NOS2: variants seen among roughly 807,000 people sequenced by gnomAD.
NOS2 encodes the protein nitric oxide synthase 2.
A neutral mutation model predicts 136.0 loss-of-function variants in NOS2; 96 were observed. The ratio of observed to expected loss-of-function variants is 0.71; its 90% CI spans 0.60 to 0.84. The LOEUF (loss-of-function observed/expected upper bound fraction) is 0.84, where lower values mean the gene tolerates loss of function less well. Among genes scored for constraint, NOS2 ranks in the 40% least tolerant of loss-of-function variants. The pLI is 0.00. For missense variants in NOS2, 1,237 were observed against 1,496.9 expected (o/e 0.83, Z 2.87); for synonymous variants, 539 against 587.5 (o/e 0.92, Z 1.20).
chr17:27,774,025 C>T (rs1194162051), intron 12 of NOS2, among the ~76,000 whole-genome samples: 1 of 152,238 alleles, frequency 6.6e-6, no homozygotes, highest in Non-Finnish European at 1.5e-5. Flanking sequence ...ACAGACCCCC[C>T]ATCTGAGCCA....
chr17:27,790,936 G>C (rs1253208757), intron 2 of NOS2, among the ~76,000 whole-genome samples: 1 of 152,108 alleles, frequency 6.6e-6, no homozygotes, highest in Non-Finnish European at 1.5e-5. Flanking sequence ...ATTTTCCAGG[G>C]TATGCATGCT....
chr17:27,783,258 C>T (rs947520374), intron 5 of NOS2, 152 bp from the exon 6 acceptor site: 3 of 741,382 alleles, frequency 4.0e-6, no homozygotes, highest in Admixed American at 2.6e-5. Context: ...GCTTTGGGGA[C>T]CTCACACTTA....
chr17:27,783,058 C>G lies in NOS2; in HGVS notation c.516G>C (p.Glu172Asp). Residue 172 changes from glutamate (E) to aspartate (D), a missense_variant, in exon 6 of 27, where the codon GAG (glutamate) becomes GAC (aspartate). Coordinates refer to ENST00000313735, the MANE Select transcript of NOS2 (RefSeq NM_000625.4). ...HLARVEAVTK[E>D]IETTGTYQLT... is the part of the protein sequence containing the mutation. ...GTTGGTAGGTTCCTGTTGTTTCTAT[C>G]TCCTTTGTTACCGCTTCCACCCTGG... 1 of 1,614,236 alleles carries G rather than the reference C, an allele frequency of 6.2e-7. No homozygotes were observed. Among genetic ancestry groups the G allele is most frequent in the Non-Finnish European group, 8.5e-7 (1 of 1,180,042 alleles).
In NOS2 at chr17:27,761,835, C is replaced by T. The variant is rs575952615; in HGVS notation, c.2801-604G>A. 8.7e-4 allele frequency among the ~76,000 whole-genome samples: 133 copies of T among 152,266 alleles called. 2 individuals are homozygous for T. The Middle Eastern group carries it at 0.014, about 16-fold the overall frequency. The stretch of plus-strand genomic sequence containing the variant: ...ACAATGGCCCAGCACTTGAGGAAGG[C>T]CTCCAACCAACTGCAGAGGTCCCCC... On this transcript the variant is annotated intron_variant, in intron 22 of 26. Coordinates refer to ENST00000313735, the MANE Select transcript of NOS2 (RefSeq NM_000625.4).
At chr17:27,773,126 A>G (rs112253848) in intron 13 of NOS2, 35 bp downstream of exon 13, 1 of 1,493,016 alleles carries the variant, frequency 6.7e-7, no homozygotes, top group South Asian at 1.1e-5. Flanking sequence ...GATATAGTTC[A>G]CACATCACTA....
At position 27,760,576 on chromosome 17, in the gene NOS2, C is replaced by T. The variant is rs11871315; in HGVS notation, c.3010+47G>A. 183 of 1,550,634 alleles carry T rather than the reference C, an allele frequency of 1.2e-4. No individual in the cohort carries two copies. The African/African-American group carries it at 1.8e-3, about 16-fold the overall frequency. The stretch of plus-strand genomic sequence containing the variant: ...GGCTGCAGTTCTGCTCCTAGGCAGG[C>T]GCTGGCCCCCTGGTGCCCCTCCCAC... On this transcript the variant is annotated intron_variant, in intron 24 of 26. Transcript: ENST00000313735.
chr17:27,765,487 G>A (rs767088675), intron 20 of NOS2, 48 bp downstream of exon 20: 12 of 1,508,584 alleles, frequency 8.0e-6, no homozygotes, highest in Non-Finnish European at 8.0e-6. Flanking sequence ...GCCAGGTGGG[G>A]CGGCCAGAGG....
intron 11 of NOS2, among the ~76,000 whole-genome samples, chr17:27,776,725 A>T (rs1426244442): frequency 6.6e-6 from 1 of 151,820 alleles, no homozygotes; most frequent in Non-Finnish European, 1.5e-5. Context: ...GATCATGATG[A>T]CAACATAATA....
chr17:27,781,928 C>A, intron 7 of NOS2, 87 bp downstream of exon 7: 1 of 1,120,000 alleles, frequency 8.9e-7, no homozygotes, highest in Non-Finnish European at 1.3e-6. Context: ...GCTGGAGATG[C>A]CTCCCCTAGA....
chr17:27,773,139 A>AGCCACT (rs1250103057), intron 13 of NOS2, 22 bp downstream of exon 13: 6 of 1,581,430 alleles, frequency 3.8e-6, no homozygotes, highest in East Asian at 2.2e-5. Context: ...CATCACTACT[A>AGCCACT]GCCACTGCCA....
Position 27,769,045 on chromosome 17 carries a change from T to C in NOS2, c.1966A>G (p.Met656Val). The change falls in exon 17 of 27, where the codon ATG becomes GTG. Residue 656 changes from methionine (M) to valine (V), a missense_variant. Physicochemically the swap from Met to Val is conservative, Grantham distance 21. Coordinates refer to ENST00000313735, the MANE Select transcript of NOS2 (RefSeq NM_000625.4). ...CCACTGAGCTCATCCCCTTCTCCCA[T>C]CGGGGTGAGCTGAGAGGCCCCCAGG... ...SHLGASQLTP[M>V]GEGDELSGQE... The C allele has an allele frequency of 1.2e-6, 2 of 1,612,662 alleles. No individual in the cohort carries two copies. Among genetic ancestry groups the C allele is most frequent in the Non-Finnish European group, 1.7e-6 (2 of 1,179,590 alleles).
At position 27,778,872 on chromosome 17, in the gene NOS2, G is replaced by T. The variant is rs1239726354; in HGVS notation, c.1179+10C>A. The stretch of plus-strand genomic sequence containing the variant: ...CACCTTCATCTGGCCAGCTGGGCTG[G>T]CTGGGTTACCTCCAGGATGTTGTAG... On this transcript the variant is annotated intron_variant, in intron 10 of 26. Transcript: ENST00000313735. The T allele has an allele frequency of 6.2e-7, 1 of 1,609,952 alleles. No homozygotes were observed. Among genetic ancestry groups the T allele is most frequent in the East Asian group, 2.2e-5 (1 of 44,756 alleles).
chr17:27,776,169 G>GA (rs1908651186), intron 11 of NOS2, among the ~76,000 whole-genome samples: 1 of 152,216 alleles, frequency 6.6e-6, no homozygotes, highest in Non-Finnish European at 1.5e-5. Flanking sequence ...GTTGAGTGGG[G>GA]CACTGCATGA....
At chr17:27,790,039 CT>C (rs1342665156) in intron 2 of NOS2, among the ~76,000 whole-genome samples, 1 of 152,222 alleles carries the variant, frequency 6.6e-6, no homozygotes, top group Non-Finnish European at 1.5e-5. Flanking sequence ...ACAACTCTGC[CT>C]CCCAGACTAG....
intron 1 of NOS2, among the ~76,000 whole-genome samples, chr17:27,800,074 C>T (rs957305620): frequency 1.5e-4 from 23 of 152,132 alleles, no homozygotes; most frequent in Non-Finnish European, 2.9e-4. Flanking sequence ...AAAAAAAATT[C>T]TTAGCAGATA....
At position 27,780,921 on chromosome 17, in the gene NOS2, G is replaced by A. The variant is rs201137379; in HGVS notation, c.865-15C>T. 10 of 1,607,730 alleles carry A rather than the reference G, an allele frequency of 6.2e-6. No homozygotes were observed. The highest frequency in any genetic ancestry group is 3.3e-5 in the South Asian group (3 of 90,092). ...TCGATGCACAGCTGGGGAACAAGAC[G>A]GGCCCTGTGAGTCTGTAAGCCCGGG... On this transcript the variant is annotated splice_polypyrimidine_tract_variant and intron_variant, in intron 8 of 26. Transcript: ENST00000313735.
At chr17:27,794,001 C>A (rs531702176) in intron 2 of NOS2, among the ~76,000 whole-genome samples, 131 of 152,324 alleles carry the variant, frequency 8.6e-4, no homozygotes, top group Non-Finnish European at 1.4e-3. Context: ...CCCATAAAAT[C>A]GCAATAAAGC....
intron 21 of NOS2, among the ~76,000 whole-genome samples, chr17:27,763,717 C>T (rs1483930455): frequency 2.6e-5 from 4 of 151,934 alleles, no homozygotes; most frequent in South Asian, 2.1e-4. Context: ...CGGATAAGGG[C>T]GGCTCCCCTT....
chr17:27,788,221 C>CAT (rs897754490), intron 4 of NOS2, among the ~76,000 whole-genome samples: 43 of 151,968 alleles, frequency 2.8e-4, no homozygotes, highest in Admixed American at 1.2e-3. Flanking sequence ...CACACACACA[C>CAT]ACGAATGAAG....
Sources: gnomAD v4.1 joint callset for allele counts (sites outside exome capture counted in the v4.1 genomes callset) on GRCh38, gnomAD v4.1.1 for gene constraint, MANE v1.5 for transcripts, NCBI Gene and HGNC (gene_info 2026-07-23, HGNC 2026-07-21) for gene names.